Variants in SYNDIG1 observed in about 807,000 individuals in gnomAD.
SYNDIG1 encodes synapse differentiation-inducing gene protein 1.
SYNDIG1 carries 9 observed loss-of-function variants against 19.4 expected under a neutral mutation model. The observed-to-expected ratio is 0.46, with a 90% CI of 0.28 to 0.81. The LOEUF (loss-of-function observed/expected upper bound fraction) is 0.81, where lower values mean the gene tolerates loss of function less well. Ranked by LOEUF, SYNDIG1 falls within the 30% of genes least tolerant of loss-of-function variation. The pLI is 0.12. For missense variants in SYNDIG1, 311 were observed against 343.3 expected (o/e 0.91, Z 0.74); for synonymous variants, 141 against 145.9 (o/e 0.97, Z 0.24).
intron 1 of SYNDIG1, among the ~76,000 whole-genome samples, chr20:24,518,912 AAGCAGGGTGCTCC>A (rs2056945972): frequency 1.3e-5 from 2 of 152,232 alleles, no homozygotes; most frequent in South Asian, 2.1e-4. Flanking sequence ...CACCCCGAGG[AAGCAGGGTGCTCC>A]AGCAGGGTCT....
intron 2 of SYNDIG1, among the ~76,000 whole-genome samples, chr20:24,543,907 G>A (rs1173112830): frequency 6.6e-6 from 1 of 152,184 alleles, no homozygotes; most frequent in East Asian, 1.9e-4. Flanking sequence ...TCATTGACAA[G>A]ATGAGAGAGG....
chr20:24,542,281 A>C (rs2057483757), intron 1 of SYNDIG1, among the ~76,000 whole-genome samples: 1 of 152,242 alleles, frequency 6.6e-6, no homozygotes, highest in Non-Finnish European at 1.5e-5. Context: ...CAACTTGTTC[A>C]GCAGGCCAAA....
chr20:24,532,846 G>A (rs184071449), intron 1 of SYNDIG1, among the ~76,000 whole-genome samples: 13 of 152,152 alleles, frequency 8.5e-5, no homozygotes, highest in African/African-American at 2.6e-4. Context: ...ATTTCTCTTC[G>A]TATCTTTTCT....
At chr20:24,556,589 T>A (rs1164906526) in intron 2 of SYNDIG1, among the ~76,000 whole-genome samples, 1 of 152,190 alleles carries the variant, frequency 6.6e-6, no homozygotes. Flanking sequence ...GGATATGAAT[T>A]TCTGGGTTGA....
chr20:24,526,566 TATAG>T (rs2057127200), intron 1 of SYNDIG1, among the ~76,000 whole-genome samples: 1 of 152,158 alleles, frequency 6.6e-6, no homozygotes, highest in South Asian at 2.1e-4. Flanking sequence ...CATTTATATA[TATAG>T]AGAGAGAGAT....
intron 2 of SYNDIG1, among the ~76,000 whole-genome samples, chr20:24,558,932 C>T (rs778682677): frequency 6.6e-6 from 1 of 152,052 alleles, no homozygotes; most frequent in Non-Finnish European, 1.5e-5. Flanking sequence ...AAAATTATAA[C>T]AAGGAAAAAC....
intron 1 of SYNDIG1, 38 bp downstream of exon 1, chr20:24,469,791 G>T (rs1445468414): frequency 2.0e-5 from 3 of 151,514 alleles, no homozygotes; most frequent in Non-Finnish European, 2.9e-5. Flanking sequence ...GCGGGCGGAG[G>T]GGCCCGCAGT....
At chr20:24,503,008 A>G (rs1053707115) in intron 1 of SYNDIG1, among the ~76,000 whole-genome samples, 1 of 152,242 alleles carries the variant, frequency 6.6e-6, no homozygotes, top group Non-Finnish European at 1.5e-5. Context: ...CATAGCATGA[A>G]GCCCATCACA....
At chr20:24,487,966 C>T (rs1421260253) in intron 1 of SYNDIG1, among the ~76,000 whole-genome samples, 1 of 152,158 alleles carries the variant, frequency 6.6e-6, no homozygotes, top group Non-Finnish European at 1.5e-5. Flanking sequence ...CAGCTGACTG[C>T]GGCTTCATCA....
chr20:24,501,611 T>C (rs2056455811), intron 1 of SYNDIG1, among the ~76,000 whole-genome samples: 1 of 152,210 alleles, frequency 6.6e-6, no homozygotes, highest in Non-Finnish European at 1.5e-5. Flanking sequence ...TGACCATCAG[T>C]GACATACTTT....
chr20:24,573,456 C>G (rs2058177210), intron 2 of SYNDIG1, among the ~76,000 whole-genome samples: 1 of 152,226 alleles, frequency 6.6e-6, no homozygotes, highest in South Asian at 2.1e-4. Flanking sequence ...CCAGACCCTT[C>G]TTCACAAGGC....
At chr20:24,513,655 T>C (rs564665573) in intron 1 of SYNDIG1, among the ~76,000 whole-genome samples, 1 of 152,330 alleles carries the variant, frequency 6.6e-6, no homozygotes, top group East Asian at 1.9e-4. Context: ...CTTATTGGTG[T>C]ACCTGAAAGT....
intron 3 of SYNDIG1, among the ~76,000 whole-genome samples, chr20:24,627,331 T>C (rs1241260928): frequency 2.0e-5 from 3 of 152,218 alleles, no homozygotes; most frequent in African/African-American, 7.2e-5. Context: ...CTGATTGCTC[T>C]ACTTCAATGA....
intron 1 of SYNDIG1, among the ~76,000 whole-genome samples, chr20:24,475,398 A>C (rs1296938202): frequency 6.6e-6 from 1 of 152,214 alleles, no homozygotes; most frequent in Non-Finnish European, 1.5e-5. Context: ...GCCAACCTTC[A>C]TGTCTGACAT....
At chr20:24,585,396 A>G (rs2058400902) in intron 3 of SYNDIG1, among the ~76,000 whole-genome samples, 2 of 152,148 alleles carry the variant, frequency 1.3e-5, no homozygotes, top group Admixed American at 6.5e-5. Flanking sequence ...ATGAGAGAGG[A>G]GAAAAGTAGG....
At chr20:24,612,943 T>C (rs1268229339) in intron 3 of SYNDIG1, among the ~76,000 whole-genome samples, 2 of 152,224 alleles carry the variant, frequency 1.3e-5, no homozygotes, top group East Asian at 3.9e-4. Context: ...TGTTGAGTGC[T>C]TCATGAGTTC....
intron 1 of SYNDIG1, among the ~76,000 whole-genome samples, chr20:24,539,034 C>G (rs1487801225): frequency 6.6e-6 from 1 of 152,140 alleles, no homozygotes; most frequent in Non-Finnish European, 1.5e-5. Flanking sequence ...CAAATGTTTT[C>G]TCCCATTCTG....
At chr20:24,566,685 G>C (rs1374312658) in intron 2 of SYNDIG1, among the ~76,000 whole-genome samples, 1 of 152,176 alleles carries the variant, frequency 6.6e-6, no homozygotes, top group East Asian at 1.9e-4. Context: ...GGAGCACTGA[G>C]TTCCCGTCCC....
chr20:24,610,708 T>G (rs1712118683), intron 3 of SYNDIG1, among the ~76,000 whole-genome samples: 1 of 152,206 alleles, frequency 6.6e-6, no homozygotes, highest in Non-Finnish European at 1.5e-5. Flanking sequence ...GATGAGCTGA[T>G]GAGTCTGGAG....
Sources: gnomAD v4.1 joint callset for allele counts (sites outside exome capture counted in the v4.1 genomes callset) on GRCh38, gnomAD v4.1.1 for gene constraint, MANE v1.5 for transcripts, NCBI Gene and HGNC (gene_info 2026-07-23, HGNC 2026-07-21) for gene names.